S100Z: variants seen among roughly 807,000 people sequenced by gnomAD.
S100Z encodes the protein protein S100-Z.
A neutral mutation model predicts 8.5 loss-of-function variants in S100Z; 11 were observed. That is an observed-to-expected ratio of 1.30 (90% CI 0.82 to 2.15). The LOEUF (loss-of-function observed/expected upper bound fraction) is 2.15, where lower values mean the gene tolerates loss of function less well. S100Z is among the 30% of genes most tolerant of loss of function. S100Z has a pLI of 0.00. For missense variants in S100Z, 126 were observed against 117.9 expected, an observed-to-expected ratio of 1.07 and a Z score of -0.32; for synonymous variants, 34 against 43.8, an observed-to-expected ratio of 0.78 and a Z score of 0.89.
chr5:76,877,718 G>A lies in S100Z; in HGVS notation c.186G>A (p.Leu62=). The A allele has an allele frequency of 1.2e-6, 2 of 1,612,252 alleles. No individual in the cohort carries two copies. The highest frequency in any genetic ancestry group is 1.7e-6 in the Non-Finnish European group (2 of 1,178,348). The change falls in exon 4 of 5, where the codon CTG becomes CTA. Residue 62 remains leucine (L), a synonymous_variant. Transcript: ENST00000317593. ...TQLVDKIVQD[L]DANKDNEVDF... The stretch of plus-strand genomic sequence containing the variant: ...TGGTTGATAAGATAGTGCAGGACCT[G>A]GATGCCAATAAGGACAACGAAGTGG...
chr5:76,898,877 T>C (rs1744132270), intron 4 of S100Z, among the ~76,000 whole-genome samples: 1 of 152,042 alleles, frequency 6.6e-6, no homozygotes, highest in Non-Finnish European at 1.5e-5. Context: ...GCTTTAGTTC[T>C]TTAAATGTTT....
chr5:76,876,090 T>C (rs752954200), intron 3 of S100Z, among the ~76,000 whole-genome samples: 2 of 152,244 alleles, frequency 1.3e-5, no homozygotes, highest in African/African-American at 2.4e-5. Flanking sequence ...CCGTACATTG[T>C]AGCGTTTGGG....
intron 4 of S100Z, among the ~76,000 whole-genome samples, chr5:76,907,265 T>C (rs898941408): frequency 1.3e-4 from 20 of 152,040 alleles, no homozygotes; most frequent in African/African-American, 4.8e-4. Context: ...GTCTATCCTT[T>C]CCTGATACCA....
At chr5:76,890,266 C>T (rs1483805465) in intron 4 of S100Z, among the ~76,000 whole-genome samples, 1 of 152,098 alleles carries the variant, frequency 6.6e-6, no homozygotes, top group South Asian at 2.1e-4. Context: ...TCAGGGAGTC[C>T]ACCCACCTTG....
intron 1 of S100Z, among the ~76,000 whole-genome samples, chr5:76,869,711 C>A (rs72763208): frequency 0.019 from 2,865 of 152,128 alleles, 36 homozygotes; most frequent in Middle Eastern, 0.027. Context: ...AGAAGTGGAC[C>A]AGTTTAGCTG....
At chr5:76,851,227 T>C (rs1419741681) in intron 1 of S100Z, among the ~76,000 whole-genome samples, 1 of 152,026 alleles carries the variant, frequency 6.6e-6, no homozygotes, top group Non-Finnish European at 1.5e-5. Context: ...GTGCCACGTG[T>C]GCGGCACAGA....
At chr5:76,942,433 C>CAAAA in the S100Z span, among the ~76,000 whole-genome samples, 5 of 113,230 alleles carry the variant, frequency 4.4e-5, no homozygotes, top group Non-Finnish European at 7.2e-5. Context: ...TTATATTGGC[C>CAAAA]AAAAAAAAAA....
chr5:76,904,628 A>C (rs2150673506), intron 4 of S100Z, among the ~76,000 whole-genome samples: 1 of 152,322 alleles, frequency 6.6e-6, no homozygotes, highest in Middle Eastern at 3.4e-3. Context: ...ATTAATTTCA[A>C]ACTAGAACTT....
intron 4 of S100Z, among the ~76,000 whole-genome samples, chr5:76,887,838 T>A (rs1743702794): frequency 6.6e-6 from 1 of 152,180 alleles, no homozygotes; most frequent in African/African-American, 2.4e-5. Context: ...TATTTTTGTC[T>A]CCCTTAAGCC....
chr5:76,917,222 C>T (rs946817319), intron 4 of S100Z, among the ~76,000 whole-genome samples: 1 of 150,890 alleles, frequency 6.6e-6, no homozygotes, highest in African/African-American at 2.4e-5. Flanking sequence ...ACATGTGAAT[C>T]TATAATTGTT....
chr5:76,950,049 T>C, the S100Z span, among the ~76,000 whole-genome samples: 1 of 152,224 alleles, frequency 6.6e-6, no homozygotes, highest in Non-Finnish European at 1.5e-5. Flanking sequence ...TTGGTGGTTG[T>C]TGTTGTTGGC....
intron 4 of S100Z, among the ~76,000 whole-genome samples, chr5:76,899,561 G>A (rs1422394444): frequency 6.6e-6 from 1 of 151,914 alleles, no homozygotes; most frequent in Non-Finnish European, 1.5e-5. Flanking sequence ...CACATACTAT[G>A]TTATAACCCA....
intron 1 of S100Z, among the ~76,000 whole-genome samples, chr5:76,855,427 G>A (rs73130987): frequency 0.13 from 19,830 of 152,188 alleles, 2,867 homozygotes; most frequent in African/African-American, 0.36. Flanking sequence ...CAAGGCCTTC[G>A]GAGTCCACCC....
intron 4 of S100Z, among the ~76,000 whole-genome samples, chr5:76,890,694 A>G (rs536877630): frequency 1.3e-5 from 2 of 152,232 alleles, no homozygotes; most frequent in African/African-American, 4.8e-5. Flanking sequence ...GGAGAATGCA[A>G]GTTCTGTTTG....
chr5:76,939,661 C>T, the S100Z span, among the ~76,000 whole-genome samples: 2 of 151,408 alleles, frequency 1.3e-5, no homozygotes, highest in Non-Finnish European at 2.9e-5. Flanking sequence ...TACAGGCACA[C>T]ACCACCACAC....
chr5:76,877,493 G>A (rs1388637567), intron 3 of S100Z, among the ~76,000 whole-genome samples, 181 bp from the exon 4 acceptor site: 1 of 152,114 alleles, frequency 6.6e-6, no homozygotes, highest in Non-Finnish European at 1.5e-5. Flanking sequence ...CTGGGGCAGG[G>A]GGCTAGATTC....
chr5:76,947,212 T>C, the S100Z span, among the ~76,000 whole-genome samples: 1 of 149,296 alleles, frequency 6.7e-6, no homozygotes, highest in African/African-American at 2.4e-5. Flanking sequence ...CCCCCCCATG[T>C]ATTCTGGAAG....
intron 4 of S100Z, among the ~76,000 whole-genome samples, chr5:76,902,652 T>C (rs1744271929): frequency 6.6e-6 from 1 of 151,298 alleles, no homozygotes; most frequent in African/African-American, 2.5e-5. Context: ...TTTTTTGTTG[T>C]TGTTTGTTTT....
chr5:76,864,390 T>A lies in S100Z; in HGVS notation c.-175-5776T>A, dbSNP rs866509527. Reference sequence around the variant, plus strand: ...TTACTGCTTAATGCATACTATATTTTTTTTTTTTTTTTTTTTTTTTTTTTT... The same window carrying A: ...TTACTGCTTAATGCATACTATATTTATTTTTTTTTTTTTTTTTTTTTTTTT... On this transcript the variant is annotated intron_variant, in intron 1 of 4. Coordinates refer to ENST00000317593, the MANE Select transcript of S100Z (RefSeq NM_130772.4). Among the ~76,000 whole-genome samples, 202 of 23,702 alleles carry A rather than the reference T, an allele frequency of 8.5e-3. 2 individuals are homozygous for A. Among genetic ancestry groups the A allele is most frequent in the African/African-American group, 0.061 (182 of 2,966 alleles). 15.5% of individuals were successfully genotyped at this position (23,702 alleles called of 152,430 possible). A position where few individuals can be genotyped will look rare whatever the true frequency, so the allele number is the denominator to read the frequency against.
Sources: gnomAD v4.1 joint callset for allele counts (sites outside exome capture counted in the v4.1 genomes callset) on GRCh38, gnomAD v4.1.1 for gene constraint, MANE v1.5 for transcripts, NCBI Gene and HGNC (gene_info 2026-07-23, HGNC 2026-07-21) for gene names.